Variants in AFF3 observed in about 807,000 individuals in gnomAD.
The protein encoded by AFF3 is AF4/FMR2 family member 3.
AFF3 carries 32 observed loss-of-function variants against 129.7 expected under a neutral mutation model. That is an observed-to-expected ratio of 0.25 (90% CI 0.19 to 0.33). The LOEUF is 0.33. Ranked by LOEUF, AFF3 falls within the 10% of genes least tolerant of loss-of-function variation. The pLI, the probability that AFF3 is intolerant of heterozygous loss-of-function variation, is 1.00. For synonymous variants in AFF3, 644 were observed against 635.4 expected (o/e 1.01, Z -0.20); for missense variants, 1,373 against 1,592.0 (o/e 0.86, Z 2.34).
At chr2:100,019,716 C>T (rs1196880949) in intron 4 of AFF3, among the ~76,000 whole-genome samples, 3 of 152,146 alleles carry the variant, frequency 2.0e-5, no homozygotes, top group Admixed American at 6.5e-5. Flanking sequence ...AAAGCAGAAT[C>T]GGGATGTGAG....
At chr2:100,123,618 G>A (rs1358474182) in intron 2 of AFF3, among the ~76,000 whole-genome samples, 1 of 152,134 alleles carries the variant, frequency 6.6e-6, no homozygotes, top group Non-Finnish European at 1.5e-5. Context: ...GTGTTGAATA[G>A]TGTAGAATAA....
intron 4 of AFF3, among the ~76,000 whole-genome samples, chr2:100,033,917 T>A (rs1033375855): frequency 1.1e-4 from 17 of 152,196 alleles, no homozygotes; most frequent in African/African-American, 4.1e-4. Flanking sequence ...TTCTTCAACA[T>A]TTATCCACTG....
intron 9 of AFF3, among the ~76,000 whole-genome samples, chr2:99,750,860 T>C (rs2105194889): frequency 6.6e-6 from 1 of 152,308 alleles, no homozygotes; most frequent in East Asian, 1.9e-4. Context: ...CCATACATAA[T>C]CTCAGTGTCC....
At chr2:99,563,626 C>A (rs1168682017) in intron 20 of AFF3, among the ~76,000 whole-genome samples, 1 of 151,332 alleles carries the variant, frequency 6.6e-6, no homozygotes, top group Non-Finnish European at 1.5e-5. Context: ...TCCTGACCAA[C>A]ATGGAGAAAC....
At chr2:100,001,695 G>C (rs1267390610) in intron 7 of AFF3, among the ~76,000 whole-genome samples, 2 of 138,700 alleles carry the variant, frequency 1.4e-5, no homozygotes, top group Non-Finnish European at 3.0e-5. Context: ...CAAAGTGCAG[G>C]GATTACAGGC....
chr2:99,897,112 C>T (rs1197484495), intron 7 of AFF3, among the ~76,000 whole-genome samples: 4 of 152,036 alleles, frequency 2.6e-5, no homozygotes, highest in African/African-American at 9.7e-5. Context: ...GTTACTTTAT[C>T]TACTAAAGTT....
chr2:99,794,858 A>G (rs995759227), intron 8 of AFF3, among the ~76,000 whole-genome samples: 2 of 152,172 alleles, frequency 1.3e-5, no homozygotes, highest in Non-Finnish European at 2.9e-5. Flanking sequence ...ACTGTTTTCC[A>G]ATGTCTGAAA....
chr2:99,698,299 G>C (rs1676501278), intron 11 of AFF3, among the ~76,000 whole-genome samples: 1 of 152,218 alleles, frequency 6.6e-6, no homozygotes, highest in African/African-American at 2.4e-5. Flanking sequence ...TAATGAGTAA[G>C]TATTAGGGCC....
chr2:99,909,150 T>A (rs182682964), intron 7 of AFF3, among the ~76,000 whole-genome samples: 3,393 of 152,090 alleles, frequency 0.022, 70 homozygotes, highest in Middle Eastern at 0.044. Flanking sequence ...TGAAATAGTA[T>A]GCAGCCATAA....
At chr2:100,078,066 T>C (rs1051136667) in intron 4 of AFF3, among the ~76,000 whole-genome samples, 24 of 152,206 alleles carry the variant, frequency 1.6e-4, no homozygotes, top group Admixed American at 1.2e-3. Flanking sequence ...AAAATGAATA[T>C]TTCAATTAGT....
intron 13 of AFF3, among the ~76,000 whole-genome samples, chr2:99,615,579 C>T (rs1165918342): frequency 6.6e-6 from 1 of 152,252 alleles, no homozygotes; most frequent in Non-Finnish European, 1.5e-5. Flanking sequence ...AAGCTGAGAA[C>T]ATCCACTTGG....
intron 13 of AFF3, among the ~76,000 whole-genome samples, chr2:99,606,577 A>G (rs1461009589): frequency 1.3e-5 from 2 of 152,184 alleles, no homozygotes; most frequent in African/African-American, 2.4e-5. Context: ...AAGAGATTGA[A>G]TCTTTCGAGA....
intron 4 of AFF3, among the ~76,000 whole-genome samples, chr2:100,066,932 G>C (rs1687769178): frequency 6.6e-6 from 1 of 152,170 alleles, no homozygotes; most frequent in Non-Finnish European, 1.5e-5. Context: ...TAACATTTTA[G>C]AGACAACAAC....
At position 100,128,765 on chromosome 2, in the gene AFF3, G is replaced by A. The variant is rs180745068; in HGVS notation, c.-145+459C>T. On this transcript the variant is annotated intron_variant, in intron 2 of 24. Coordinates refer to ENST00000672756, the MANE Select transcript of AFF3 (RefSeq NM_001386135.1). ...CAAGTAATTAGAACTCTTTCAAAAA[G>A]GAATGGCCCTGTCAAAAGGTTTCGT... 1.4e-3 allele frequency among the ~76,000 whole-genome samples: 218 copies of A among 152,292 alleles called. 3 individuals are homozygous for A. The highest frequency in any genetic ancestry group is 4.8e-3 in the African/African-American group (201 of 41,558).
intron 11 of AFF3, among the ~76,000 whole-genome samples, chr2:99,714,703 C>A (rs1678214837): frequency 6.6e-6 from 1 of 152,186 alleles, no homozygotes; most frequent in Non-Finnish European, 1.5e-5. Flanking sequence ...CTTCCAGACA[C>A]TACTCTATGA....
chr2:99,552,815 C>T (rs1674528452), intron 24 of AFF3, among the ~76,000 whole-genome samples: 1 of 152,198 alleles, frequency 6.6e-6, no homozygotes, highest in Non-Finnish European at 1.5e-5. Context: ...TGGAGCTTGG[C>T]CTGCTCACAG....
intron 3 of AFF3, 181 bp from the exon 4 acceptor site, chr2:100,104,699 A>G (rs1691091319): frequency 3.1e-6 from 3 of 957,202 alleles, no homozygotes; most frequent in Non-Finnish European, 3.7e-6. Flanking sequence ...GGCACACTCA[A>G]GAGAGAGCAG....
intron 11 of AFF3, among the ~76,000 whole-genome samples, chr2:99,709,238 T>G (rs576646748): frequency 5.9e-5 from 9 of 152,156 alleles, no homozygotes; most frequent in African/African-American, 2.2e-4. Flanking sequence ...AAAGTATGAG[T>G]TCAGGAGTCA....
intron 4 of AFF3, among the ~76,000 whole-genome samples, chr2:100,086,216 T>C (rs1237589157): frequency 2.0e-5 from 3 of 152,224 alleles, no homozygotes; most frequent in African/African-American, 4.8e-5. Context: ...CATACTGCCA[T>C]AGTGTCATAA....
Sources: gnomAD v4.1 joint callset for allele counts (sites outside exome capture counted in the v4.1 genomes callset) on GRCh38, gnomAD v4.1.1 for gene constraint, MANE v1.5 for transcripts, NCBI Gene and HGNC (gene_info 2026-07-23, HGNC 2026-07-21) for gene names.